The following POLR1E variants were observed in gnomAD, a reference collection of about 807,000 sequenced individuals.
POLR1E encodes DNA-directed RNA polymerase I subunit RPA49.
A neutral mutation model predicts 50.9 loss-of-function variants in POLR1E; 37 were observed. The ratio of observed to expected loss-of-function variants is 0.73; its 90% CI spans 0.56 to 0.96. POLR1E has a LOEUF of 0.96. Ranked by LOEUF, POLR1E falls within the 40% of genes least tolerant of loss-of-function variation. The pLI, the probability that POLR1E is intolerant of heterozygous loss-of-function variation, is 0.00. For synonymous variants in POLR1E, 166 were observed against 191.6 expected (o/e 0.87, Z 1.10); for missense variants, 426 against 518.1 (o/e 0.82, Z 1.73).
At chr9:37,501,055 G>C in intron 10 of POLR1E, 134 bp downstream of exon 10, 1 of 860,336 alleles carries the variant, frequency 1.2e-6, no homozygotes, top group Non-Finnish European at 1.8e-6. Context: ...CATTTGGAAG[G>C]CTCCTGGGGC....
intron 7 of POLR1E, 35 bp from the exon 8 acceptor site, chr9:37,495,855 A>G: frequency 2.0e-6 from 3 of 1,486,290 alleles, no homozygotes; most frequent in South Asian, 1.1e-5. Context: ...GGATGTTTCT[A>G]TTTTGGTTGG....
In POLR1E at chr9:37,503,079, C is replaced by A; in HGVS notation, c.1137C>A (p.Ile379=). ...MEIAKAMRLK[I]SKRRVSVAAG... Reference sequence around the variant, plus strand: ...TAGCCAAAGCCATGAGGCTGAAGATCTCCAAAAGAAGGGTGTCTGTGGCCG... The same window carrying A: ...TAGCCAAAGCCATGAGGCTGAAGATATCCAAAAGAAGGGTGTCTGTGGCCG... The change falls in exon 12 of 12, where the codon ATC becomes ATA. Residue 379 remains isoleucine, a synonymous_variant. Transcript: ENST00000377798. 6.2e-7 allele frequency: 1 copy of A among 1,613,854 alleles called. No homozygotes were observed. The highest frequency in any genetic ancestry group is 1.1e-5 in the South Asian group (1 of 91,052).
Position 37,492,645 on chromosome 9 carries a change from G to A in POLR1E, c.344-12G>A. 1 of 1,613,302 alleles carries A rather than the reference G, an allele frequency of 6.2e-7. No individual in the cohort carries two copies. Among genetic ancestry groups the A allele is most frequent in the Non-Finnish European group, 8.5e-7 (1 of 1,179,478 alleles). On this transcript the variant is annotated splice_polypyrimidine_tract_variant and intron_variant, in intron 4 of 11. Transcript: ENST00000377798. ...GACTTTTCTTTCTCTCTGTTTTTGTGTGTTTTGATAGATGTATCAGTTGAG... is the reference window on the plus strand; with the variant it reads ...GACTTTTCTTTCTCTCTGTTTTTGTATGTTTTGATAGATGTATCAGTTGAG...
intron 9 of POLR1E, among the ~76,000 whole-genome samples, chr9:37,499,651 C>T (rs537564241): frequency 5.3e-5 from 8 of 152,078 alleles, no homozygotes; most frequent in African/African-American, 1.9e-4. Context: ...GCCTCAGCCT[C>T]CCGAGTAGCT....
intron 7 of POLR1E, 27 bp downstream of exon 7, chr9:37,495,303 C>T (rs1820765131): frequency 6.4e-7 from 1 of 1,557,414 alleles, no homozygotes; most frequent in Non-Finnish European, 8.8e-7. Flanking sequence ...AGAAAAGCTG[C>T]CTTATTTCAC....
intron 3 of POLR1E, among the ~76,000 whole-genome samples, chr9:37,488,882 T>C (rs1253102374): frequency 2.0e-5 from 3 of 152,144 alleles, no homozygotes; most frequent in African/African-American, 7.2e-5. Flanking sequence ...GAGATTATTG[T>C]TACCCATGAG....
Position 37,498,196 on chromosome 9 carries a change from T to A in POLR1E, c.858T>A (p.Phe286Leu). 6.2e-7 allele frequency: 1 copy of A among 1,614,044 alleles called. No individual in the cohort carries two copies. Among genetic ancestry groups the A allele is most frequent in the Non-Finnish European group, 8.5e-7 (1 of 1,179,932 alleles). Residue 286 changes from phenylalanine (F) to leucine (L), a missense_variant, in exon 9 of 12, where the codon TTT becomes TTA. Physicochemically the swap from Phe to Leu is conservative, Grantham distance 22. Coordinates refer to ENST00000377798, the MANE Select transcript of POLR1E (RefSeq NM_022490.4). ...GGTTTCTGGATACCCTCATCAAATT[T>A]CGAGCTCATAGGGTAGTTAAGCGGA... ...CIWFLDTLIK[F>L]RAHRVVKRKS...
In POLR1E at chr9:37,486,055, C is replaced by T. The variant is rs753034783; in HGVS notation, c.8C>T (p.Ala3Val). The stretch of plus-strand genomic sequence containing the variant: ...GGCGGACAGACAGGCGAGATGGCGG[C>T]GGAGGTGTTGCCGAGTGCGAGGTGG... MA[A>V]EVLPSARWQY... Residue 3 changes from alanine to valine, a missense_variant, in exon 1 of 12, where the codon GCG (alanine) becomes GTG (valine). Coordinates refer to ENST00000377798, the MANE Select transcript of POLR1E (RefSeq NM_022490.4). 9 of 1,600,436 alleles carry T rather than the reference C, an allele frequency of 5.6e-6. No homozygotes were observed. The highest frequency in any genetic ancestry group is 2.3e-5 in the East Asian group (1 of 44,298).
intron 4 of POLR1E, 151 bp downstream of exon 4, chr9:37,489,551 G>GT: frequency 1.7e-6 from 1 of 600,850 alleles, no homozygotes; most frequent in African/African-American, 1.9e-5. Flanking sequence ...TGAGAAAATG[G>GT]TTTTTTATAT....
rs1820736123 is a variant in POLR1E at position 37,493,717 on chromosome 9, A to T, written c.547+14A>T. 14 of 1,512,958 alleles carry T rather than the reference A, an allele frequency of 9.3e-6. No homozygotes were observed. The highest frequency in any genetic ancestry group is 1.9e-5 in the Admixed American group (1 of 51,388). The allele number at this position is 1,512,958 out of a possible 1,614,324, so 93.7% of individuals were successfully genotyped here. On this transcript the variant is annotated intron_variant, in intron 6 of 11. Transcript: ENST00000377798. ...AGGGTGTGACTGGTAAGAAGTTGGA[A>T]CTTGGGCTAAGAGTCTGCCCATAAT...
chr9:37,492,497 A>G (rs1200329607), intron 4 of POLR1E, 160 bp from the exon 5 acceptor site: 8 of 818,102 alleles, frequency 9.8e-6, no homozygotes, highest in South Asian at 4.8e-5. Context: ...CTAAAGCTGC[A>G]TATTAAATAT....
intron 10 of POLR1E, 110 bp downstream of exon 10, chr9:37,501,031 G>A: frequency 9.5e-7 from 1 of 1,049,772 alleles, no homozygotes; most frequent in African/African-American, 1.6e-5. Flanking sequence ...ATGCAGTGCT[G>A]AAAAGACTGC....
Position 37,503,290 on chromosome 9 carries a change from GAA to G in POLR1E, c.*91_*92del. The G allele has an allele frequency of 6.8e-7, 1 of 1,461,606 alleles. No homozygotes were observed. Among genetic ancestry groups the G allele is most frequent in the South Asian group, 1.4e-5 (1 of 70,964 alleles). The allele number at this position is 1,461,606 out of a possible 1,614,324, so 90.5% of individuals were successfully genotyped here. On this transcript the variant is annotated 3_prime_UTR_variant, in exon 12 of 12. Coordinates refer to ENST00000377798, the MANE Select transcript of POLR1E (RefSeq NM_022490.4). Reference sequence around the variant, plus strand: ...TCCATTTTTATGTATGTTTTGAAAAGAAAAGGTCCGGGGATGGTGGCTCACAC... The same window carrying G: ...TCCATTTTTATGTATGTTTTGAAAAGAAGGTCCGGGGATGGTGGCTCACAC...
intron 9 of POLR1E, among the ~76,000 whole-genome samples, chr9:37,500,383 C>T (rs1024721181): frequency 3.3e-5 from 5 of 152,122 alleles, no homozygotes; most frequent in African/African-American, 9.7e-5. Context: ...TGGGGTTTCA[C>T]CATGTTGGTC....
At chr9:37,496,199 G>A (rs1425464358) in intron 8 of POLR1E, among the ~76,000 whole-genome samples, 3 of 152,162 alleles carry the variant, frequency 2.0e-5, no homozygotes, top group Non-Finnish European at 2.9e-5. Flanking sequence ...CGTGGGACCT[G>A]CGACAGGGCA....
In POLR1E at chr9:37,503,258, A is replaced by G. The variant is rs1274924974; in HGVS notation, c.*56A>G. 4.0e-6 allele frequency: 6 copies of G among 1,510,416 alleles called. No individual in the cohort carries two copies. The highest frequency in any genetic ancestry group is 4.5e-5 in the Admixed American group (2 of 44,444). 93.6% of individuals were successfully genotyped at this position (1,510,416 alleles called of 1,614,324 possible). A position where few individuals can be genotyped will look rare whatever the true frequency, so the allele number is the denominator to read the frequency against. ...TGCATCACAGCCACTGGCTGGTCCT[A>G]TTCATTTCCATTTTTATGTATGTTT... On this transcript the variant is annotated 3_prime_UTR_variant, in exon 12 of 12. Transcript: ENST00000377798.
chr9:37,503,309 G>A lies in POLR1E; in HGVS notation c.*107G>A. 1 of 1,354,272 alleles carries A rather than the reference G, an allele frequency of 7.4e-7. No individual in the cohort carries two copies. The highest frequency in any genetic ancestry group is 9.8e-7 in the Non-Finnish European group (1 of 1,018,842). 83.9% of individuals were successfully genotyped at this position (1,354,272 alleles called of 1,614,324 possible). On this transcript the variant is annotated 3_prime_UTR_variant, in exon 12 of 12. Transcript: ENST00000377798. ...TGAAAAGAAAAGGTCCGGGGATGGT[G>A]GCTCACACCTGAAATCCCAGCACTT...
At chr9:37,492,570 G>A (rs1820703800) in intron 4 of POLR1E, 87 bp from the exon 5 acceptor site, 2 of 1,251,578 alleles carry the variant, frequency 1.6e-6, no homozygotes, top group Non-Finnish European at 1.1e-6. Flanking sequence ...ATTATTCTTA[G>A]ATAGACAAAT....
intron 11 of POLR1E, among the ~76,000 whole-genome samples, 174 bp downstream of exon 11, chr9:37,502,018 C>G (rs1820900616): frequency 6.6e-6 from 1 of 152,192 alleles, no homozygotes; most frequent in African/African-American, 2.4e-5. Context: ...AGCAACTAGA[C>G]ATTACTGAGT....
Sources: allele counts gnomAD v4.1 joint callset (sites outside exome capture counted in the v4.1 genomes callset), GRCh38; gene constraint gnomAD v4.1.1; transcripts MANE v1.5; gene names NCBI Gene and HGNC (gene_info 2026-07-23, HGNC 2026-07-21).